The following ZBTB46 variants were observed in gnomAD, a reference collection of about 807,000 sequenced individuals.
The protein encoded by ZBTB46 is zinc finger and BTB domain containing 46, also known as zinc finger and BTB domain-containing protein 46.
ZBTB46 carries 8 observed loss-of-function variants against 44.1 expected under a neutral mutation model. The ratio of observed to expected loss-of-function variants is 0.18; its 90% CI spans 0.11 to 0.33. The LOEUF is 0.33. Ranked by LOEUF, ZBTB46 falls within the 10% of genes least tolerant of loss-of-function variation. ZBTB46 has a pLI of 1.00. For synonymous variants in ZBTB46, 409 were observed against 382.3 expected (o/e 1.07, Z -0.81); for missense variants, 651 against 847.7 (o/e 0.77, Z 2.88).
intron 1 of ZBTB46, among the ~76,000 whole-genome samples, chr20:63,815,864 GGGCGCAGGTC>G (rs1388360682): frequency 7.7e-5 from 8 of 104,042 alleles, no homozygotes; most frequent in African/African-American, 3.5e-4. Flanking sequence ...AGGTGCAGGT[GGGCGCAGGTC>G]CAGTGGGTGC....
chr20:63,833,482 T>G (rs370829570), upstream of ZBTB46, among the ~76,000 whole-genome samples: 39 of 152,206 alleles, frequency 2.6e-4, no homozygotes, highest in South Asian at 8.1e-3. Context: ...TCCCAGCTAC[T>G]CGGGAGGCTG....
Position 63,747,072 on chromosome 20 carries a change from C to A in ZBTB46, c.1628G>T (p.Gly543Val). 1 of 1,609,046 alleles carries A rather than the reference C, an allele frequency of 6.2e-7. No homozygotes were observed. The highest frequency in any genetic ancestry group is 8.5e-7 in the Non-Finnish European group (1 of 1,179,522). ...GTCCTCGCCCAGCTCCTCCGCCTCC[C>A]CTCGTGGGTCCTCAGGGTCCTCCAG... is the stretch of plus-strand genomic sequence containing the variant. ...PYLEDPEDPR[G>V]EAEELGEDDE... Residue 543 changes from glycine (G) to valine (V), a missense_variant, in exon 5 of 5, where the codon GGG becomes GTG. Transcript: ENST00000245663.
rs1385274109 is a variant in ZBTB46, at chr20:63,747,004, T to C, written c.1696A>G (p.Lys566Glu). Reference sequence around the variant, plus strand: ...GGCCGCGGCGAGTCTTCCTCATCCTTGTCGTCCGCCAACAGCGCATCCTCA... The same window carrying C: ...GGCCGCGGCGAGTCTTCCTCATCCTCGTCGTCCGCCAACAGCGCATCCTCA... ...APEDALLADDKDEEDSPRPRS... is the reference protein window; with the variant it reads ...APEDALLADDEDEEDSPRPRS... The change falls in exon 5 of 5, where the codon AAG becomes GAG. Residue 566 changes from lysine (K) to glutamate (E), a missense_variant. Around this residue, in one of 5 missense-constraint regions of ZBTB46, gnomAD observed 106 missense variants for 81.0 expected, o/e 1.31. Transcript: ENST00000245663. The C allele has an allele frequency of 1.9e-6, 3 of 1,607,828 alleles. No homozygotes were observed. Among genetic ancestry groups the C allele is most frequent in the Non-Finnish European group, 1.7e-6 (2 of 1,179,516 alleles).
At chr20:63,814,306 T>A (rs1444835759) in intron 1 of ZBTB46, among the ~76,000 whole-genome samples, 1 of 148,302 alleles carries the variant, frequency 6.7e-6, no homozygotes, top group African/African-American at 2.5e-5. Context: ...GAGAGATGAG[T>A]AAGACAAGAG....
At chr20:63,798,278 G>A (rs2092618106) in intron 1 of ZBTB46, among the ~76,000 whole-genome samples, 2 of 151,944 alleles carry the variant, frequency 1.3e-5, no homozygotes, top group African/African-American at 4.8e-5. Context: ...CCTTATTTTT[G>A]TCAGGTTTGT....
rs1036416200 is a variant in ZBTB46 at position 63,743,963 on chromosome 20, A to G, written c.*2967T>C. 32 of 152,756 alleles carry G rather than the reference A, an allele frequency of 2.1e-4. No individual in the cohort carries two copies. Among genetic ancestry groups the G allele is most frequent in the African/African-American group, 7.2e-4 (30 of 41,564 alleles). 9.5% of individuals were successfully genotyped at this position (152,756 alleles called of 1,614,324 possible). ...GATTATCCCCAGAAAAAAATCAACA[A>G]TCTTCAAACACTGCCCTTTTTTTGT... On this transcript the variant is annotated 3_prime_UTR_variant, in exon 5 of 5. Coordinates refer to ENST00000245663, the MANE Select transcript of ZBTB46 (RefSeq NM_001369741.1).
At position 63,746,050 on chromosome 20, in the gene ZBTB46, A is replaced by C. The variant is rs1298509278; in HGVS notation, c.*880T>G. 1.3e-5 allele frequency: 2 copies of C among 152,764 alleles called. No homozygotes were observed. Among genetic ancestry groups the C allele is most frequent in the Non-Finnish European group, 1.5e-5 (1 of 68,066 alleles). 9.5% of individuals were successfully genotyped at this position (152,764 alleles called of 1,614,324 possible). On this transcript the variant is annotated 3_prime_UTR_variant, in exon 5 of 5. Coordinates refer to ENST00000245663, the MANE Select transcript of ZBTB46 (RefSeq NM_001369741.1). Reference sequence around the variant, plus strand: ...TAGGAACACCGCCTCCAGTGTTAGCAGCAAAGGCAGGAGCCCAGCTCCAGC... The same window carrying C: ...TAGGAACACCGCCTCCAGTGTTAGCCGCAAAGGCAGGAGCCCAGCTCCAGC...
intron 1 of ZBTB46, among the ~76,000 whole-genome samples, chr20:63,798,283 G>T (rs1337876647): frequency 9.2e-5 from 14 of 151,980 alleles, no homozygotes; most frequent in Admixed American, 8.5e-4. Context: ...TTTTTGTCAG[G>T]TTTGTCAAAG....
In ZBTB46 at chr20:63,793,041, G is replaced by A. The variant is rs573130871; in HGVS notation, c.-33-2251C>T. ...GCCTCCCCTTCACTTCCTGCCCGCCGGGCACGAGGGCTGTGACGGCGGTGA... is the reference window on the plus strand; with the variant it reads ...GCCTCCCCTTCACTTCCTGCCCGCCAGGCACGAGGGCTGTGACGGCGGTGA... On this transcript the variant is annotated intron_variant, in intron 1 of 4. Coordinates refer to ENST00000245663, the MANE Select transcript of ZBTB46 (RefSeq NM_001369741.1). Among the ~76,000 whole-genome samples the A allele has an allele frequency of 2.3e-3, 346 of 152,184 alleles. 2 individuals carry two copies. Among genetic ancestry groups the A allele is most frequent in the African/African-American group, 8.1e-3 (338 of 41,536 alleles).
At chr20:63,757,444 T>C (rs915329889) in intron 3 of ZBTB46, among the ~76,000 whole-genome samples, 3 of 152,122 alleles carry the variant, frequency 2.0e-5, no homozygotes, top group African/African-American at 7.2e-5. Context: ...TTTTCCTCCA[T>C]GTCAATGTCC....
rs1190562690 is a variant in ZBTB46, at chr20:63,745,981, A to C, written c.*949T>G. ...CTCGATATGTCTCTGACTACTTAAA[A>C]ATTTGGTTACCCACGCGGGGAGGTG... On this transcript the variant is annotated 3_prime_UTR_variant, in exon 5 of 5. Coordinates refer to ENST00000245663, the MANE Select transcript of ZBTB46 (RefSeq NM_001369741.1). 6.5e-6 allele frequency: 1 copy of C among 152,718 alleles called. No homozygotes were observed. Among genetic ancestry groups the C allele is most frequent in the African/African-American group, 2.4e-5 (1 of 41,468 alleles). The allele number at this position is 152,718 out of a possible 1,614,324, so 9.5% of individuals were successfully genotyped here. A position where few individuals can be genotyped will look rare whatever the true frequency, so the allele number is the denominator to read the frequency against.
At chr20:63,819,448 G>A (rs113484265) in intron 1 of ZBTB46, among the ~76,000 whole-genome samples, 1,772 of 152,198 alleles carry the variant, frequency 0.012, 16 homozygotes, top group Non-Finnish European at 0.02. Flanking sequence ...ACCCGGAGGC[G>A]TCTGTGATCA....
At chr20:63,771,094 G>C (rs2092366785) in intron 3 of ZBTB46, among the ~76,000 whole-genome samples, 1 of 122,428 alleles carries the variant, frequency 8.2e-6, no homozygotes, top group African/African-American at 3.3e-5. Flanking sequence ...GCCCTCCCAG[G>C]CCCTCTTCAG....
chr20:63,825,465 G>A (rs6011169), intron 1 of ZBTB46, among the ~76,000 whole-genome samples: 2 of 89,202 alleles, frequency 2.2e-5, no homozygotes, highest in East Asian at 2.6e-4. Context: ...CCTCCCTCCC[G>A]GCTTCCCAGG....
intron 3 of ZBTB46, among the ~76,000 whole-genome samples, chr20:63,772,702 G>A (rs2092384718): frequency 6.6e-6 from 1 of 151,384 alleles, no homozygotes; most frequent in African/African-American, 2.4e-5. Context: ...CTGGGCAAGA[G>A]AGCGAGACCC....
At chr20:63,773,230 CTTTT>C (rs745777313) in intron 3 of ZBTB46, among the ~76,000 whole-genome samples, 2,320 of 133,990 alleles carry the variant, frequency 0.017, 64 homozygotes, top group Non-Finnish European at 0.019. Flanking sequence ...AGTCCAATGG[CTTTT>C]TTTTTTTTTT....
intron 1 of ZBTB46, among the ~76,000 whole-genome samples, chr20:63,809,973 AAG>A (rs1555854883): frequency 6.7e-6 from 1 of 150,274 alleles, no homozygotes; most frequent in African/African-American, 2.5e-5. Flanking sequence ...AAAAAAAAAA[AAG>A]AAAAGAAAAC....
At chr20:63,809,894 C>T (rs1345116899) in intron 1 of ZBTB46, among the ~76,000 whole-genome samples, 1 of 150,072 alleles carries the variant, frequency 6.7e-6, no homozygotes, top group Non-Finnish European at 1.5e-5. Context: ...GTCGGGAGGT[C>T]GAGGTTGGAG....
rs902802388 is a variant in ZBTB46, at chr20:63,803,153, C to G, written c.-33-12363G>C. ...AGGAACCAGGCGTGGGCACCATCCC[C>G]CAGGATGCCATCCAGGCAGGGACCA... On this transcript the variant is annotated intron_variant, in intron 1 of 4. Coordinates refer to ENST00000245663, the MANE Select transcript of ZBTB46 (RefSeq NM_001369741.1). The surrounding 1 kb of genome is among the most constrained non-coding windows in gnomAD (Gnocchi z 4.0). Among the ~76,000 whole-genome samples, 1 of 152,152 alleles carries G rather than the reference C, an allele frequency of 6.6e-6. No individual in the cohort carries two copies. Among genetic ancestry groups the G allele is most frequent in the African/African-American group, 2.4e-5 (1 of 41,446 alleles).
Sources: allele counts gnomAD v4.1 joint callset (sites outside exome capture counted in the v4.1 genomes callset), GRCh38; gene constraint gnomAD v4.1.1; regional missense constraint gnomAD v4.1.1; non-coding constraint Gnocchi (gnomAD v3.1); transcripts MANE v1.5; gene names NCBI Gene and HGNC (gene_info 2026-07-23, HGNC 2026-07-21).